FGGY: variants seen among roughly 807,000 people sequenced by gnomAD.
FGGY encodes FGGY carbohydrate kinase domain-containing protein.
FGGY carries 72 observed loss-of-function variants against 71.3 expected under a neutral mutation model. That is an observed-to-expected ratio of 1.01 (90% CI 0.84 to 1.23). The LOEUF (loss-of-function observed/expected upper bound fraction) is 1.23. Among genes scored for constraint, FGGY ranks in the 50% most tolerant of loss-of-function variants. FGGY has a pLI of 0.00. For synonymous variants in FGGY, 251 were observed against 250.3 expected, an observed-to-expected ratio of 1.00 and a Z score of -0.02; for missense variants, 668 against 682.3, an observed-to-expected ratio of 0.98 and a Z score of 0.23.
chr1:59,473,589 CTGTTGGGTGTGGCCAGAGCATAG>C lies in FGGY; in HGVS notation c.670+16516_670+16538del, dbSNP rs1351669917. ...TGGAAGAGTGCAGAGTGTGTGTGAA[CTGTTGGGTGTGGCCAGAGCATAG>C]TGGACCTGAAGCAAGGTGGAGAGGA... is the stretch of plus-strand genomic sequence containing the variant. On this transcript the variant is annotated intron_variant, in intron 6 of 15. Transcript: ENST00000303721. 2.0e-5 allele frequency among the ~76,000 whole-genome samples: 3 copies of C among 152,226 alleles called. No homozygotes were observed. The South Asian group carries it at 6.2e-4, about 32-fold the overall frequency.
Position 59,498,407 on chromosome 1 carries a change from G to A in FGGY, c.671-13904G>A, listed in dbSNP as rs186936805. 2.6e-3 allele frequency among the ~76,000 whole-genome samples: 395 copies of A among 152,152 alleles called. 2 individuals carry two copies. Among genetic ancestry groups the A allele is most frequent in the African/African-American group, 9.0e-3 (372 of 41,498 alleles). On this transcript the variant is annotated intron_variant, in intron 6 of 15. Coordinates refer to ENST00000303721, the MANE Select transcript of FGGY (RefSeq NM_018291.5). ...GTGCCTATTTCTGCTTATGTCTCCG[G>A]ATTACCTGGGAGCTTTTAAAAATAA... is the stretch of plus-strand genomic sequence containing the variant.
At chr1:59,464,900 A>G (rs2092514604) in intron 6 of FGGY, among the ~76,000 whole-genome samples, 1 of 152,208 alleles carries the variant, frequency 6.6e-6, no homozygotes, top group Non-Finnish European at 1.5e-5. Context: ...ACCAAAAAAA[A>G]GTTCAGGACC....
At chr1:59,572,608 G>C (rs968947635) in intron 8 of FGGY, among the ~76,000 whole-genome samples, 16 of 152,138 alleles carry the variant, frequency 1.1e-4, no homozygotes, top group Admixed American at 6.6e-5. Context: ...AAGAAGACTG[G>C]GAGTCTGTGT....
intron 14 of FGGY, among the ~76,000 whole-genome samples, chr1:59,740,343 C>T (rs1347695041): frequency 6.6e-6 from 1 of 152,170 alleles, no homozygotes; most frequent in Non-Finnish European, 1.5e-5. Flanking sequence ...GAGATGACCT[C>T]CTGTTTATTC....
intron 9 of FGGY, among the ~76,000 whole-genome samples, chr1:59,624,163 A>G (rs989826500): frequency 6.6e-6 from 1 of 151,992 alleles, no homozygotes; most frequent in Non-Finnish European, 1.5e-5. Context: ...TGTCTTTGAT[A>G]TCATTTTGAA....
At chr1:59,362,694 T>A (rs2055805926) in intron 4 of FGGY, among the ~76,000 whole-genome samples, 1 of 152,192 alleles carries the variant, frequency 6.6e-6, no homozygotes, top group Non-Finnish European at 1.5e-5. Context: ...ACTTACCTCC[T>A]TCCCACAGCA....
At chr1:59,516,219 A>G (rs891121349) in intron 7 of FGGY, among the ~76,000 whole-genome samples, 1 of 152,108 alleles carries the variant, frequency 6.6e-6, no homozygotes. Flanking sequence ...CTATACCCCT[A>G]TTAGGATGTG....
At chr1:59,345,083 C>T (rs1378479237) in intron 3 of FGGY, among the ~76,000 whole-genome samples, 3 of 152,096 alleles carry the variant, frequency 2.0e-5, no homozygotes, top group Non-Finnish European at 2.9e-5. Flanking sequence ...CATTGAAAAA[C>T]AGGGGTTAAA....
At chr1:59,457,790 A>G (rs755433021) in intron 6 of FGGY, among the ~76,000 whole-genome samples, 1 of 152,186 alleles carries the variant, frequency 6.6e-6, no homozygotes, top group East Asian at 1.9e-4. Flanking sequence ...AATAAAGCTA[A>G]AAGATCAATA....
At chr1:59,414,236 G>T (rs2064020698) in intron 5 of FGGY, among the ~76,000 whole-genome samples, 1 of 152,110 alleles carries the variant, frequency 6.6e-6, no homozygotes. Context: ...GAGGACTAAG[G>T]GTGCAGGTGG....
intron 14 of FGGY, among the ~76,000 whole-genome samples, chr1:59,681,611 G>A (rs2097499649): frequency 6.6e-6 from 1 of 152,010 alleles, no homozygotes; most frequent in Non-Finnish European, 1.5e-5. Flanking sequence ...ACTTTTTATT[G>A]TAAACATTCT....
intron 5 of FGGY, among the ~76,000 whole-genome samples, chr1:59,428,073 G>C (rs1235879377): frequency 6.6e-6 from 1 of 152,226 alleles, no homozygotes; most frequent in East Asian, 1.9e-4. Context: ...TTTGCCAAGT[G>C]TGTGACAGTG....
intron 14 of FGGY, among the ~76,000 whole-genome samples, chr1:59,714,938 G>A (rs2097832257): frequency 6.6e-6 from 1 of 152,176 alleles, no homozygotes; most frequent in African/African-American, 2.4e-5. Flanking sequence ...AGAGTTACAT[G>A]CATCATACTT....
Position 59,667,400 on chromosome 1 carries a change from A to G in FGGY, c.1414A>G (p.Thr472Ala), listed in dbSNP as rs778430637. 3.4e-5 allele frequency: 55 copies of G among 1,614,046 alleles called. No individual in the cohort carries two copies. The South Asian group carries it at 5.3e-4, about 15-fold the overall frequency. ...PLFVQMHADI[T>A]GMPVVLSQEV... Reference sequence around the variant, plus strand: ...TTTTGTGCAAATGCATGCGGACATTACTGGTAAGTCTGGGAAAGAGGAGAG... The same window carrying G: ...TTTTGTGCAAATGCATGCGGACATTGCTGGTAAGTCTGGGAAAGAGGAGAG... Residue 472 changes from threonine to alanine, a missense_variant, in exon 13 of 16, where the codon ACT becomes GCT. By Grantham distance (58) the Thr-to-Ala change is moderately conservative (BLOSUM62 0). This residue lies in a region of FGGY where 661 missense variants were observed against 661.6 expected (regional missense o/e 1.00). Coordinates refer to ENST00000303721, the MANE Select transcript of FGGY (RefSeq NM_018291.5).
At chr1:59,635,387 A>G (rs943203481) in intron 10 of FGGY, among the ~76,000 whole-genome samples, 1 of 152,298 alleles carries the variant, frequency 6.6e-6, no homozygotes, top group East Asian at 1.9e-4. Flanking sequence ...TGTAGAGGCT[A>G]AATGAATCTC....
chr1:59,561,063 C>G (rs901746911), intron 8 of FGGY, among the ~76,000 whole-genome samples: 6 of 152,190 alleles, frequency 3.9e-5, no homozygotes, highest in African/African-American at 1.4e-4. Flanking sequence ...GGAGACAGCA[C>G]AGTCATGTAT....
intron 5 of FGGY, among the ~76,000 whole-genome samples, chr1:59,439,855 A>G (rs1346779236): frequency 1.3e-5 from 2 of 152,124 alleles, no homozygotes; most frequent in African/African-American, 2.4e-5. Flanking sequence ...TTTGCCTAAG[A>G]AAACTTGGAC....
intron 7 of FGGY, among the ~76,000 whole-genome samples, chr1:59,552,570 C>G (rs2095624545): frequency 6.6e-6 from 1 of 152,140 alleles, no homozygotes; most frequent in South Asian, 2.1e-4. Context: ...ATCTGAGCAG[C>G]CAGTGCCTTC....
chr1:59,377,259 A>G (rs139355740), intron 4 of FGGY, among the ~76,000 whole-genome samples: 13 of 152,328 alleles, frequency 8.5e-5, no homozygotes, highest in Admixed American at 2.0e-4. Flanking sequence ...CTGGTCTTAC[A>G]CTGCTAATAA....
Sources: allele counts gnomAD v4.1 joint callset (sites outside exome capture counted in the v4.1 genomes callset), GRCh38; gene constraint gnomAD v4.1.1; regional missense constraint gnomAD v4.1.1; transcripts MANE v1.5; gene names NCBI Gene and HGNC (gene_info 2026-07-23, HGNC 2026-07-21).